The following MALRD1 variants were observed in gnomAD, a reference collection of about 807,000 sequenced individuals.
MALRD1 encodes MAM and LDL-receptor class A domain-containing protein 1.
Under a neutral mutation model 242.1 loss-of-function variants are expected in MALRD1, and 247 were observed. The ratio of observed to expected loss-of-function variants is 1.02; its 90% confidence interval spans 0.92 to 1.13. MALRD1 has a LOEUF of 1.13. Ranked by LOEUF, MALRD1 falls within the 50% of genes most tolerant of loss-of-function variation. MALRD1 has a pLI of 0.00. For missense variants in MALRD1, 2,989 were observed against 2,533.1 expected (o/e 1.18, Z -3.86); for synonymous variants, 995 against 866.6 (o/e 1.15, Z -2.60).
chr10:19,178,993 C>T (rs1258584543), intron 14 of MALRD1, among the ~76,000 whole-genome samples: 2 of 152,330 alleles, frequency 1.3e-5, no homozygotes, highest in East Asian at 3.9e-4. Context: ...AAACCAGATT[C>T]GCTTTAAACT....
chr10:19,417,686 G>A (rs1476121443), intron 28 of MALRD1, among the ~76,000 whole-genome samples: 1 of 152,030 alleles, frequency 6.6e-6, no homozygotes, highest in Non-Finnish European at 1.5e-5. Flanking sequence ...ATGATATTGA[G>A]GGTCACATCA....
intron 36 of MALRD1, among the ~76,000 whole-genome samples, chr10:19,683,212 A>C (rs1444456416): frequency 6.6e-6 from 1 of 151,928 alleles, no homozygotes; most frequent in Non-Finnish European, 1.5e-5. Context: ...GTCACTTTTT[A>C]CTCTTTCTAA....
At chr10:19,723,452 G>C (rs1203785914) in intron 38 of MALRD1, among the ~76,000 whole-genome samples, 1 of 152,078 alleles carries the variant, frequency 6.6e-6, no homozygotes, top group Non-Finnish European at 1.5e-5. Context: ...TTTGAGCTCA[G>C]GTCAGGCAAA....
intron 25 of MALRD1, among the ~76,000 whole-genome samples, chr10:19,351,153 T>G (rs187308474): frequency 1.3e-5 from 2 of 152,336 alleles, no homozygotes; most frequent in East Asian, 3.9e-4. Context: ...ATGTGACTGC[T>G]AGTGTTTCAA....
Position 19,715,927 on chromosome 10 carries a change from T to C in MALRD1, c.6315-14779T>C, listed in dbSNP as rs546226545. Among the ~76,000 whole-genome samples the C allele has an allele frequency of 2.0e-5, 3 of 152,290 alleles. No individual in the cohort carries two copies. The South Asian group carries it at 6.2e-4, about 32-fold the overall frequency. On this transcript the variant is annotated intron_variant, in intron 38 of 39. Coordinates refer to ENST00000454679, the MANE Select transcript of MALRD1 (RefSeq NM_001142308.3). ...AGCACTAAGCCCTTCATGGGGGATC[T>C]GCCCCCATGGCCCAAACACCTCCCA...
chr10:19,587,481 T>G (rs1263006080), intron 33 of MALRD1, among the ~76,000 whole-genome samples: 6 of 152,354 alleles, frequency 3.9e-5, no homozygotes, highest in African/African-American at 1.4e-4. Flanking sequence ...ATATTAATCA[T>G]AAAGGTAAAA....
chr10:19,135,723 T>G (rs913559951), intron 9 of MALRD1, among the ~76,000 whole-genome samples: 2 of 152,212 alleles, frequency 1.3e-5, no homozygotes, highest in African/African-American at 4.8e-5. Flanking sequence ...ATTGAAATAG[T>G]CCTCTGTAGC....
rs577202952 is a variant in MALRD1 at position 19,473,063 on chromosome 10, G to T, written c.5030-18454G>T. Among the ~76,000 whole-genome samples, 133 of 148,066 alleles carry T rather than the reference G, an allele frequency of 9.0e-4. 1 individual carries two copies. The highest frequency in any genetic ancestry group is 3.3e-3 in the African/African-American group (133 of 40,696). On this transcript the variant is annotated intron_variant, in intron 29 of 39. Coordinates refer to ENST00000454679, the MANE Select transcript of MALRD1 (RefSeq NM_001142308.3). Reference sequence around the variant, plus strand: ...ACGGAAACTGAAGCTAAACATTTTTGGCATCCAAAGCTTGTTCATATATAA... The same window carrying T: ...ACGGAAACTGAAGCTAAACATTTTTTGCATCCAAAGCTTGTTCATATATAA...
At chr10:19,157,233 G>T (rs1034168936) in intron 12 of MALRD1, among the ~76,000 whole-genome samples, 1 of 149,840 alleles carries the variant, frequency 6.7e-6, no homozygotes, top group East Asian at 2.0e-4. Context: ...TTTTTAATAA[G>T]TTTGTGGCAA....
intron 11 of MALRD1, among the ~76,000 whole-genome samples, chr10:19,152,094 T>A (rs6481764): frequency 0.35 from 52,954 of 151,966 alleles, 9,569 homozygotes; most frequent in Admixed American, 0.4. Context: ...TTAATTTTTA[T>A]ATTGTGCTGG....
intron 2 of MALRD1, among the ~76,000 whole-genome samples, chr10:19,072,710 G>A (rs1295818827): frequency 6.6e-6 from 1 of 151,988 alleles, no homozygotes; most frequent in African/African-American, 2.4e-5. Flanking sequence ...CAAAAGTGAA[G>A]CAAACTTTAT....
chr10:19,386,938 A>G (rs182515208), intron 26 of MALRD1, among the ~76,000 whole-genome samples: 1 of 152,262 alleles, frequency 6.6e-6, no homozygotes, highest in African/African-American at 2.4e-5. Flanking sequence ...TATGGTTGGC[A>G]TTGCATTGCA....
chr10:19,661,456 TA>T (rs1427832094), intron 36 of MALRD1, among the ~76,000 whole-genome samples: 11 of 152,014 alleles, frequency 7.2e-5, no homozygotes, highest in African/African-American at 2.2e-4. Flanking sequence ...TATGCAGCCA[TA>T]AAAAAAGATG....
chr10:19,203,726 A>G lies in MALRD1; in HGVS notation c.1952-2A>G. 2.6e-6 allele frequency: 4 copies of G among 1,524,104 alleles called. No homozygotes were observed. The highest frequency in any genetic ancestry group is 2.7e-6 in the Non-Finnish European group (3 of 1,130,986). 94.4% of individuals were successfully genotyped at this position (1,524,104 alleles called of 1,614,324 possible). ...CATAAGAGCCACATTTTTGTTCTTC[A>G]GTTTCCAAGTGTGACTTTGAAGCAA... On this transcript the variant is annotated splice_acceptor_variant, in intron 14 of 39. Coordinates refer to ENST00000454679, the MANE Select transcript of MALRD1 (RefSeq NM_001142308.3). LOFTEE classifies it high-confidence loss of function.
At chr10:19,643,999 C>T (rs1276363489) in intron 36 of MALRD1, among the ~76,000 whole-genome samples, 1 of 151,832 alleles carries the variant, frequency 6.6e-6, no homozygotes, top group East Asian at 1.9e-4. Flanking sequence ...CAGCTCTCTG[C>T]TACAGATCTG....
chr10:19,279,170 T>C (rs1335462957), intron 19 of MALRD1, among the ~76,000 whole-genome samples: 1 of 152,186 alleles, frequency 6.6e-6, no homozygotes, highest in East Asian at 1.9e-4. Context: ...TTGTTTGGCA[T>C]GAGGTCCAGT....
chr10:19,487,856 T>C (rs772529566), intron 29 of MALRD1, among the ~76,000 whole-genome samples: 29 of 152,208 alleles, frequency 1.9e-4, no homozygotes, highest in Non-Finnish European at 3.5e-4. Flanking sequence ...ATATACCAAA[T>C]TTTACTGGTA....
At chr10:19,237,616 AT>A (rs373811235) in intron 18 of MALRD1, among the ~76,000 whole-genome samples, 2 of 94,740 alleles carry the variant, frequency 2.1e-5, no homozygotes, top group African/African-American at 4.2e-5. Context: ...TTATAATTAT[AT>A]AATTATATAA....
intron 21 of MALRD1, chr10:19,291,533 A>C (rs1188321143): frequency 1.3e-5 from 2 of 151,898 alleles, no homozygotes; most frequent in Non-Finnish European, 2.9e-5. Context: ...ACAGAATGAC[A>C]CTTTATCTCT....
Sources: gnomAD v4.1 joint callset for allele counts (sites outside exome capture counted in the v4.1 genomes callset) on GRCh38, gnomAD v4.1.1 for gene constraint, MANE v1.5 for transcripts, NCBI Gene and HGNC (gene_info 2026-07-23, HGNC 2026-07-21) for gene names.